The following PLXNC1 variants were observed in gnomAD, a reference collection of about 807,000 sequenced individuals.
The protein encoded by PLXNC1 is plexin-C1.
A neutral mutation model predicts 178.2 loss-of-function variants in PLXNC1; 75 were observed. The ratio of observed to expected loss-of-function variants is 0.42; its 90% CI spans 0.35 to 0.51. The LOEUF (loss-of-function observed/expected upper bound fraction) is 0.51. Ranked by LOEUF, PLXNC1 falls within the 20% of genes least tolerant of loss-of-function variation. The pLI is 0.02. For missense variants in PLXNC1, 1,503 were observed against 1,984.4 expected, an observed-to-expected ratio of 0.76 and a Z score of 4.61; for synonymous variants, 790 against 779.9, an observed-to-expected ratio of 1.01 and a Z score of -0.22.
intron 14 of PLXNC1, 105 bp downstream of exon 14, chr12:94,248,517 T>C: frequency 1.1e-6 from 1 of 885,618 alleles, no homozygotes; most frequent in Non-Finnish European, 1.7e-6. Context: ...CTTCAGATCC[T>C]CACTTTAAAT....
chr12:94,211,654 C>G (rs1289473304), intron 5 of PLXNC1, among the ~76,000 whole-genome samples: 6 of 152,222 alleles, frequency 3.9e-5, no homozygotes, highest in Non-Finnish European at 4.4e-5. Context: ...AGCTTTATTT[C>G]TTTCCACAAA....
chr12:94,217,603 A>G (rs979924828), intron 5 of PLXNC1, among the ~76,000 whole-genome samples: 8 of 152,094 alleles, frequency 5.3e-5, no homozygotes, highest in African/African-American at 1.4e-4. Context: ...ATCTCCATGT[A>G]TGGTACCTCC....
intron 5 of PLXNC1, among the ~76,000 whole-genome samples, chr12:94,210,991 A>T (rs1963450675): frequency 6.6e-6 from 1 of 152,214 alleles, no homozygotes; most frequent in South Asian, 2.1e-4. Flanking sequence ...AAAATTCTGG[A>T]AGATTTTTTT....
intron 14 of PLXNC1, among the ~76,000 whole-genome samples, chr12:94,249,017 G>A (rs893214070): frequency 2.6e-5 from 4 of 151,850 alleles, no homozygotes; most frequent in African/African-American, 4.8e-5. Flanking sequence ...TATTCATGCC[G>A]TATGAGGCTC....
At chr12:94,224,996 A>G (rs936658081) in intron 7 of PLXNC1, among the ~76,000 whole-genome samples, 6 of 152,150 alleles carry the variant, frequency 3.9e-5, no homozygotes, top group African/African-American at 1.2e-4. Context: ...AGGGGTAAAA[A>G]GTCTTACTTG....
chr12:94,283,083 G>A (rs1966568204), intron 23 of PLXNC1, among the ~76,000 whole-genome samples: 1 of 152,220 alleles, frequency 6.6e-6, no homozygotes, highest in South Asian at 2.1e-4. Context: ...GATAAGAGCT[G>A]GGGCTGCATG....
At chr12:94,182,640 G>T (rs534042814) in intron 3 of PLXNC1, among the ~76,000 whole-genome samples, 1 of 150,798 alleles carries the variant, frequency 6.6e-6, no homozygotes, top group African/African-American at 2.4e-5. Context: ...AACAAGAATC[G>T]CTTGAAACCA....
intron 4 of PLXNC1, among the ~76,000 whole-genome samples, chr12:94,193,834 G>A (rs1223740544): frequency 1.3e-5 from 2 of 152,188 alleles, no homozygotes; most frequent in East Asian, 3.9e-4. Flanking sequence ...AGAAGGAGTG[G>A]CCTGTTTGGG....
chr12:94,202,957 C>T (rs924903133), intron 4 of PLXNC1, among the ~76,000 whole-genome samples: 2 of 152,034 alleles, frequency 1.3e-5, no homozygotes, highest in Non-Finnish European at 2.9e-5. Context: ...GATTTTTAAG[C>T]AGGGAGTAAC....
Position 94,240,525 on chromosome 12 carries a change from TTCTC to T in PLXNC1, c.2165_2168del (p.Ser722PhefsTer8). ...TGTGCTAAATGACACCCACATGAAA[TTCTC>T]TCTTCCATCAAGCCGGAAAGAAATG... is the stretch of plus-strand genomic sequence containing the variant. On this transcript the variant is annotated frameshift_variant, in exon 11 of 31. Transcript: ENST00000258526. LOFTEE classifies it high-confidence loss of function. The T allele has an allele frequency of 6.2e-7, 1 of 1,614,060 alleles. No homozygotes were observed. The highest frequency in any genetic ancestry group is 8.5e-7 in the Non-Finnish European group (1 of 1,179,944).
Position 94,209,607 on chromosome 12 carries a change from A to G in PLXNC1, c.1457A>G (p.Asp486Gly), listed in dbSNP as rs963318851. ...TTTTTTAGGTGCACTTTTCAAGGAG[A>G]TTGTGTACATTCAGAGAACTTAGAA... is the stretch of plus-strand genomic sequence containing the variant. ...HSLQRCTFQG[D>G]CVHSENLENW... is the part of the protein sequence containing the mutation. Residue 486 changes from aspartate (D) to glycine (G), a missense_variant, in exon 5 of 31, where the codon GAT becomes GGT. Around this residue, in one of 4 missense-constraint regions of PLXNC1, gnomAD observed 615 missense variants for 698.6 expected, o/e 0.88. Coordinates refer to ENST00000258526, the MANE Select transcript of PLXNC1 (RefSeq NM_005761.3). 2.5e-6 allele frequency: 4 copies of G among 1,611,174 alleles called. No individual in the cohort carries two copies. In the Admixed American group the frequency reaches 5.0e-5, roughly 20 times the overall value.
intron 9 of PLXNC1, among the ~76,000 whole-genome samples, 182 bp from the exon 10 acceptor site, chr12:94,237,482 A>C (rs1964272675): frequency 1.3e-5 from 2 of 152,226 alleles, no homozygotes; most frequent in East Asian, 3.8e-4. Context: ...ACATGTTGAG[A>C]GACATGAATC....
intron 1 of PLXNC1, among the ~76,000 whole-genome samples, chr12:94,157,445 C>T (rs1050785018): frequency 6.6e-6 from 1 of 152,200 alleles, no homozygotes; most frequent in Admixed American, 6.5e-5. Flanking sequence ...TGGGTCTAAC[C>T]TGTTCATCAA....
intron 1 of PLXNC1, among the ~76,000 whole-genome samples, chr12:94,153,236 C>G (rs1224762552): frequency 6.6e-6 from 1 of 152,232 alleles, no homozygotes; most frequent in African/African-American, 2.4e-5. Context: ...TACATCTCTA[C>G]TCTTCCCACC....
At chr12:94,224,909 A>C (rs2136025982) in intron 7 of PLXNC1, among the ~76,000 whole-genome samples, 1 of 152,286 alleles carries the variant, frequency 6.6e-6, no homozygotes, top group East Asian at 1.9e-4. Context: ...GTCTCAACAA[A>C]AAGAAGGAGC....
chr12:94,280,374 T>C (rs1966347355), intron 22 of PLXNC1, among the ~76,000 whole-genome samples: 1 of 152,166 alleles, frequency 6.6e-6, no homozygotes, highest in Admixed American at 6.5e-5. Context: ...TGACAGACAG[T>C]GTAACGAGGT....
intron 17 of PLXNC1, among the ~76,000 whole-genome samples, chr12:94,258,752 T>C (rs961744047): frequency 5.9e-5 from 9 of 152,188 alleles, no homozygotes; most frequent in African/African-American, 9.7e-5. Flanking sequence ...ACCATTACTG[T>C]CCCCATTTCA....
At chr12:94,184,997 A>G (rs1277104676) in intron 3 of PLXNC1, among the ~76,000 whole-genome samples, 1 of 152,210 alleles carries the variant, frequency 6.6e-6, no homozygotes, top group Non-Finnish European at 1.5e-5. Flanking sequence ...AGTAACCAAT[A>G]CTTATTGAAC....
intron 23 of PLXNC1, among the ~76,000 whole-genome samples, chr12:94,283,604 G>C (rs1966614145): frequency 6.6e-6 from 1 of 152,224 alleles, no homozygotes; most frequent in Non-Finnish European, 1.5e-5. Context: ...TCAGGGATGA[G>C]AGTTTTTAAG....
Sources: gnomAD v4.1 joint callset for allele counts (sites outside exome capture counted in the v4.1 genomes callset) on GRCh38, gnomAD v4.1.1 for gene constraint, gnomAD v4.1.1 regional missense constraint, MANE v1.5 for transcripts, NCBI Gene and HGNC (gene_info 2026-07-23, HGNC 2026-07-21) for gene names.